The following PIAS1 variants were observed in gnomAD, a reference collection of about 807,000 sequenced individuals.
PIAS1 encodes the protein protein inhibitor of activated STAT 1.
In PIAS1, 6 loss-of-function variants were observed where a neutral mutation model predicts 71.3. The ratio of observed to expected loss-of-function variants is 0.08; its 90% CI spans 0.05 to 0.17. The LOEUF (loss-of-function observed/expected upper bound fraction) is 0.17, where lower values mean the gene tolerates loss of function less well. Ranked by LOEUF, PIAS1 falls within the 10% of genes least tolerant of loss-of-function variation. The probability of loss-of-function intolerance (pLI) is 1.00; values close to 1 mark genes in which losing one functional copy is unlikely to be tolerated. For synonymous variants in PIAS1, 303 were observed against 292.9 expected (o/e 1.03, Z -0.35); for missense variants, 555 against 793.6 (o/e 0.70, Z 3.61).
At position 68,086,468 on chromosome 15, in the gene PIAS1, C is replaced by T. The variant is rs2092282398; in HGVS notation, c.187C>T (p.Arg63Trp). 1 of 1,613,780 alleles carries T rather than the reference C, an allele frequency of 6.2e-7. No individual in the cohort carries two copies. Among genetic ancestry groups the T allele is most frequent in the Non-Finnish European group, 8.5e-7 (1 of 1,179,858 alleles). ...AATGAAAATTAAGGAACTCTATAGG[C>T]GGCGGTTCCCACAGAAAATCATGAC... ...VQMKIKELYRRRFPQKIMTPA... is the reference protein window; with the variant it reads ...VQMKIKELYRWRFPQKIMTPA... The change falls in exon 2 of 14, where the codon CGG becomes TGG. Residue 63 changes from arginine (R) to tryptophan (W), a missense_variant. Physicochemically the swap from Arg to Trp is moderately radical, Grantham distance 101. Transcript: ENST00000249636. This position sits in a 1 kb window ranked among gnomAD's most constrained non-coding sequence, Gnocchi z 7.2.
In PIAS1 at chr15:68,100,830, A is replaced by G. The variant is rs186767209; in HGVS notation, c.469+14080A>G. On this transcript the variant is annotated intron_variant, in intron 2 of 13. Transcript: ENST00000249636. ...CTTGTCAGCATTTGATGCTATCACT[A>G]TTTTTTAGTTTTGCCATTTTGATAG... Among the ~76,000 whole-genome samples, 131 of 150,478 alleles carry G rather than the reference A, an allele frequency of 8.7e-4. 1 individual carries two copies. Among genetic ancestry groups the G allele is most frequent in the African/African-American group, 3.1e-3 (126 of 41,046 alleles).
At position 68,078,361 on chromosome 15, in the gene PIAS1, A is replaced by T. The variant is rs141261147; in HGVS notation, c.25-7945A>T. On this transcript the variant is annotated intron_variant, in intron 1 of 13. Transcript: ENST00000249636. ...ATGTAGATAAATCCTGCGTGTTGCC[A>T]TGTCTTTTAGCCAGAAGGTTTATTT... Among the ~76,000 whole-genome samples the T allele has an allele frequency of 4.1e-4, 62 of 152,262 alleles. No individual in the cohort carries two copies. The East Asian group carries it at 0.011, about 27-fold the overall frequency.
intron 8 of PIAS1, 134 bp downstream of exon 8, chr15:68,164,938 G>T (rs1173761222): frequency 1.8e-6 from 1 of 567,700 alleles, no homozygotes; most frequent in African/African-American, 1.9e-5. Context: ...ATGAAAAGTG[G>T]AAAGACATCT....
rs2093004072 is a variant in PIAS1 at position 68,173,518 on chromosome 15, T to C, written c.1009-214T>C. On this transcript the variant is annotated intron_variant, in intron 8 of 13. Coordinates refer to ENST00000249636, the MANE Select transcript of PIAS1 (RefSeq NM_016166.3). The surrounding 1 kb of genome is among the most constrained non-coding windows in gnomAD (Gnocchi z 4.3). ...AATAACCCTTGTTGTAGACTTTCCATAGTCATTTTGTTTGATAGCCAAAGA... is the reference window on the plus strand; with the variant it reads ...AATAACCCTTGTTGTAGACTTTCCACAGTCATTTTGTTTGATAGCCAAAGA... 6.6e-6 allele frequency among the ~76,000 whole-genome samples: 1 copy of C among 152,248 alleles called. No individual in the cohort carries two copies. Among genetic ancestry groups the C allele is most frequent in the Non-Finnish European group, 1.5e-5 (1 of 68,044 alleles).
chr15:68,148,268 C>T (rs62004789), intron 6 of PIAS1, among the ~76,000 whole-genome samples: 40,640 of 151,872 alleles, frequency 0.27, 6,117 homozygotes, highest in Middle Eastern at 0.38. Context: ...CACACAACAG[C>T]CCAGTGGTAG....
chr15:68,082,309 G>A (rs1333830686), intron 1 of PIAS1, among the ~76,000 whole-genome samples: 1 of 152,096 alleles, frequency 6.6e-6, no homozygotes, highest in Non-Finnish European at 1.5e-5. Flanking sequence ...AGAGACAAGG[G>A]AATTCCTGGG....
chr15:68,059,294 A>T (rs1014547026), intron 1 of PIAS1, among the ~76,000 whole-genome samples: 1 of 152,070 alleles, frequency 6.6e-6, no homozygotes, highest in Non-Finnish European at 1.5e-5. Flanking sequence ...GGCGTGAGCC[A>T]CCACCGCGCC....
intron 2 of PIAS1, among the ~76,000 whole-genome samples, chr15:68,119,442 A>T (rs978112224): frequency 1.5e-4 from 20 of 135,028 alleles, no homozygotes; most frequent in Admixed American, 4.3e-4. Context: ...AAAACTCCAT[A>T]AAAAAAAAAA....
intron 1 of PIAS1, among the ~76,000 whole-genome samples, chr15:68,063,255 G>A (rs2091980660): frequency 6.6e-6 from 1 of 152,214 alleles, no homozygotes; most frequent in Admixed American, 6.5e-5. Context: ...TCATGGCATA[G>A]TGCTTAAAAT....
chr15:68,164,834 A>G, intron 8 of PIAS1, 30 bp downstream of exon 8: 1 of 1,167,312 alleles, frequency 8.6e-7, no homozygotes, highest in Non-Finnish European at 1.2e-6. Context: ...TGCTTTCCAG[A>G]AAGTTTAACA....
intron 2 of PIAS1, among the ~76,000 whole-genome samples, chr15:68,088,871 T>C (rs955615116): frequency 6.6e-5 from 10 of 152,226 alleles, no homozygotes; most frequent in Admixed American, 1.3e-4. Context: ...TTTTTGCCGG[T>C]AGTTCATTTG....
intron 2 of PIAS1, among the ~76,000 whole-genome samples, chr15:68,113,093 A>G (rs1411295903): frequency 6.6e-6 from 1 of 152,200 alleles, no homozygotes; most frequent in African/African-American, 2.4e-5. Context: ...TCAAGTTGCC[A>G]TTAAAGATAT....
chr15:68,152,029 A>G (rs1447707571), intron 6 of PIAS1, among the ~76,000 whole-genome samples: 1 of 130,306 alleles, frequency 7.7e-6, no homozygotes, highest in African/African-American at 2.9e-5. Flanking sequence ...GGCTCACTGC[A>G]AGCTCTGCCT....
intron 4 of PIAS1, among the ~76,000 whole-genome samples, chr15:68,144,153 T>TATTTGGTA (rs2092791796): frequency 6.6e-6 from 1 of 151,578 alleles, no homozygotes; most frequent in African/African-American, 2.4e-5. Flanking sequence ...TGTTGTGTTA[T>TATTTGGTA]ATTTGGTAAT....
chr15:68,142,748 GT>G (rs1485273126), intron 4 of PIAS1, among the ~76,000 whole-genome samples: 1 of 151,016 alleles, frequency 6.6e-6, no homozygotes, highest in Non-Finnish European at 1.5e-5. Context: ...ATCATATCAA[GT>G]TTTATGAAAG....
intron 7 of PIAS1, among the ~76,000 whole-genome samples, chr15:68,157,105 A>G (rs1018486248): frequency 9.2e-5 from 14 of 152,334 alleles, no homozygotes; most frequent in Non-Finnish European, 2.1e-4. Flanking sequence ...ACTAGGTAAC[A>G]TGGTAATGCC....
intron 2 of PIAS1, among the ~76,000 whole-genome samples, chr15:68,110,322 C>G (rs796435808): frequency 3.9e-5 from 6 of 152,188 alleles, no homozygotes; most frequent in African/African-American, 1.4e-4. Flanking sequence ...CGGCTGGGTG[C>G]AGTGGTTCAC....
chr15:68,162,888 T>C (rs1241225876), intron 7 of PIAS1, among the ~76,000 whole-genome samples: 1 of 152,174 alleles, frequency 6.6e-6, no homozygotes, highest in Non-Finnish European at 1.5e-5. Flanking sequence ...GTATCCCAGC[T>C]CAAGGAAAAA....
At chr15:68,132,205 A>T (rs1595751329) in intron 2 of PIAS1, among the ~76,000 whole-genome samples, 1 of 149,182 alleles carries the variant, frequency 6.7e-6, no homozygotes, top group African/African-American at 2.5e-5. Flanking sequence ...TTGGCCGGGC[A>T]TGGTGGCTCA....
Sources: gnomAD v4.1 joint callset for allele counts (sites outside exome capture counted in the v4.1 genomes callset) on GRCh38, gnomAD v4.1.1 for gene constraint, Gnocchi (gnomAD v3.1) non-coding constraint, MANE v1.5 for transcripts, NCBI Gene and HGNC (gene_info 2026-07-23, HGNC 2026-07-21) for gene names.